The following GRK4 variants were observed in gnomAD, a reference collection of about 807,000 sequenced individuals.
GRK4 encodes G protein-coupled receptor kinase 4.
A neutral mutation model predicts 77.9 loss-of-function variants in GRK4; 73 were observed. That is an observed-to-expected ratio of 0.94 (90% CI 0.78 to 1.14). The LOEUF (loss-of-function observed/expected upper bound fraction) is 1.14, where lower values mean the gene tolerates loss of function less well. Among genes scored for constraint, GRK4 ranks in the 50% most tolerant of loss-of-function variants. The pLI is 0.00. For synonymous variants in GRK4, 257 were observed against 254.4 expected, an observed-to-expected ratio of 1.01 and a Z score of -0.10; for missense variants, 729 against 700.2, an observed-to-expected ratio of 1.04 and a Z score of -0.46.
intron 1 of GRK4, chr4:2,966,310 G>A (rs1717670966): frequency 6.6e-6 from 1 of 152,324 alleles, no homozygotes; most frequent in South Asian, 2.1e-4. Context: ...TACATGGGAG[G>A]CTGAGGCAGG....
intron 4 of GRK4, among the ~76,000 whole-genome samples, chr4:3,003,249 G>A (rs1052926763): frequency 7.9e-5 from 12 of 152,152 alleles, no homozygotes; most frequent in African/African-American, 2.9e-4. Context: ...GAGGGCAGTG[G>A]CACAATCTCA....
intron 4 of GRK4, among the ~76,000 whole-genome samples, chr4:3,004,019 C>CT (rs1266339287): frequency 6.6e-6 from 1 of 152,194 alleles, no homozygotes; most frequent in Non-Finnish European, 1.5e-5. Flanking sequence ...GCATCTGGCC[C>CT]TGTGTGTGTT....
At chr4:3,021,410 G>A (rs751689922) in intron 9 of GRK4, among the ~76,000 whole-genome samples, 3 of 152,196 alleles carry the variant, frequency 2.0e-5, no homozygotes, top group African/African-American at 4.8e-5. Flanking sequence ...AGATGGTCAC[G>A]TCAGACGATG....
rs1742161428 is a variant in GRK4, at chr4:3,040,757, C to G, written c.*132C>G. 2.3e-6 allele frequency: 1 copy of G among 440,856 alleles called. No individual in the cohort carries two copies. The highest frequency in any genetic ancestry group is 3.6e-6 in the Non-Finnish European group (1 of 275,726). The allele number at this position is 440,856 out of a possible 1,614,324, so 27.3% of individuals were successfully genotyped here. ...TTGGGAGTGTACAGACCTTTCTGCA[C>G]TAATACCTGAGTTGTCTTTTCACTA... On this transcript the variant is annotated 3_prime_UTR_variant, in exon 16 of 16. Transcript: ENST00000398052.
At position 3,001,089 on chromosome 4, in the gene GRK4, A is replaced by ATATATATATATATATATATGTGTGTG; in HGVS notation, c.340-3141_340-3140insATATATATATATATATATGTGTGTGT. 9.7e-5 allele frequency among the ~76,000 whole-genome samples: 8 copies of ATATATATATATATATATATGTGTGTG among 82,432 alleles called. 1 individual carries two copies. The highest frequency in any genetic ancestry group is 4.6e-4 in the African/African-American group (8 of 17,214). 54.1% of individuals were successfully genotyped at this position (82,432 alleles called of 152,430 possible). ...TAAATGAGACTATATATATATATAT[A>ATATATATATATATATATATGTGTGTG]TGTGTGTGTGTGTGTGTATATATAT... On this transcript the variant is annotated intron_variant, in intron 4 of 15. Transcript: ENST00000398052.
chr4:3,007,822 T>A lies in GRK4; in HGVS notation c.530T>A (p.Leu177Gln), dbSNP rs757379015. Residue 177 changes from leucine (L) to glutamine (Q), a missense_variant, in exon 6 of 16, where the codon CTG (leucine) becomes CAG (glutamine). Coordinates refer to ENST00000398052, the MANE Select transcript of GRK4 (RefSeq NM_182982.3). ...TCTCAGTTTTTACAATGGAAATGGC[T>A]GGAAAGGTATGTACTGATTTTAAAC... ...YFSQFLQWKW[L>Q]ERQPVTKNTF... is the part of the protein sequence containing the mutation. 6.2e-7 allele frequency: 1 copy of A among 1,606,766 alleles called. No homozygotes were observed. Among genetic ancestry groups the A allele is most frequent in the South Asian group, 1.1e-5 (1 of 90,292 alleles).
At chr4:3,008,190 A>G (rs1731874260) in intron 6 of GRK4, among the ~76,000 whole-genome samples, 1 of 152,210 alleles carries the variant, frequency 6.6e-6, no homozygotes, top group Non-Finnish European at 1.5e-5. Flanking sequence ...ATTTCTTCTA[A>G]TTTAATAGAC....
chr4:2,997,268 C>T (rs1469571373), intron 4 of GRK4, among the ~76,000 whole-genome samples: 2 of 152,082 alleles, frequency 1.3e-5, no homozygotes, highest in Non-Finnish European at 2.9e-5. Context: ...AAAATTGGTT[C>T]AGTATCTGAA....
Position 3,013,707 on chromosome 4 carries a change from G to A in GRK4, c.620G>A (p.Arg207Gln), listed in dbSNP as rs763102146. ...GFGEVCACQV[R>Q]ATGKMYACKK... The stretch of plus-strand genomic sequence containing the variant: ...AACTAGGTTTGCGCCTGTCAAGTGC[G>A]AGCCACAGGAAAAATGTATGCCTGC... Residue 207 changes from arginine (R) to glutamine (Q), a missense_variant, in exon 8 of 16, where the codon CGA becomes CAA. Physicochemically the swap from Arg to Gln is conservative, Grantham distance 43. Transcript: ENST00000398052. The A allele has an allele frequency of 1.1e-5, 17 of 1,611,492 alleles. No homozygotes were observed. The East Asian group carries it at 2.2e-4, about 21-fold the overall frequency.
intron 1 of GRK4, chr4:2,965,170 A>T (rs1207438427): frequency 2.8e-5 from 18 of 641,936 alleles, no homozygotes; most frequent in South Asian, 2.8e-4. Context: ...AGCTTTTTGG[A>T]TGTGAATCCA....
intron 10 of GRK4, among the ~76,000 whole-genome samples, chr4:3,023,645 G>C (rs1736670362): frequency 6.6e-6 from 1 of 152,200 alleles, no homozygotes; most frequent in African/African-American, 2.4e-5. Context: ...TGTGTCCGTA[G>C]CTCCTGACTT....
chr4:3,028,816 G>C (rs555218895), intron 11 of GRK4, among the ~76,000 whole-genome samples: 3 of 150,680 alleles, frequency 2.0e-5, no homozygotes, highest in Non-Finnish European at 4.4e-5. Context: ...CAGTCGCCCA[G>C]GCTAGAATGC....
intron 1 of GRK4, among the ~76,000 whole-genome samples, chr4:2,980,538 A>G (rs1722581026): frequency 6.6e-6 from 1 of 151,576 alleles, no homozygotes; most frequent in Non-Finnish European, 1.5e-5. Flanking sequence ...CAAATACCCC[A>G]GAACAGCACC....
At position 3,013,706 on chromosome 4, in the gene GRK4, C is replaced by A; in HGVS notation, c.619C>A (p.Arg207=). The A allele has an allele frequency of 6.2e-7, 1 of 1,609,560 alleles. No homozygotes were observed. The part of the protein sequence containing the change: ...GFGEVCACQV[R]ATGKMYACKK... The stretch of plus-strand genomic sequence containing the variant: ...AAACTAGGTTTGCGCCTGTCAAGTG[C>A]GAGCCACAGGAAAAATGTATGCCTG... The change falls in exon 8 of 16, where the codon CGA becomes AGA. Residue 207 remains arginine, a synonymous_variant. Transcript: ENST00000398052.
chr4:3,025,962 A>G (rs1274404870), intron 10 of GRK4, among the ~76,000 whole-genome samples: 3 of 152,232 alleles, frequency 2.0e-5, no homozygotes, highest in Non-Finnish European at 4.4e-5. Context: ...TGGCTCTGCA[A>G]CACTCATGGA....
At chr4:3,011,573 T>C (rs1349836768) in intron 7 of GRK4, among the ~76,000 whole-genome samples, 1 of 152,186 alleles carries the variant, frequency 6.6e-6, no homozygotes, top group Non-Finnish European at 1.5e-5. Flanking sequence ...ACAGACTTGC[T>C]CTGGAGGTGT....
intron 5 of GRK4, among the ~76,000 whole-genome samples, chr4:3,004,641 A>G (rs976029955): frequency 2.0e-5 from 3 of 152,006 alleles, no homozygotes; most frequent in African/African-American, 7.3e-5. Context: ...ACAATAAAGT[A>G]TGCTAGAAAA....
At chr4:2,975,505 G>A (rs928972604) in intron 1 of GRK4, among the ~76,000 whole-genome samples, 3 of 152,128 alleles carry the variant, frequency 2.0e-5, no homozygotes, top group Admixed American at 6.6e-5. Context: ...ACACTGGCCC[G>A]TCAGCAAAAG....
chr4:2,973,770 C>G (rs1720293882), intron 1 of GRK4, among the ~76,000 whole-genome samples: 1 of 152,150 alleles, frequency 6.6e-6, no homozygotes, highest in Non-Finnish European at 1.5e-5. Flanking sequence ...AGCACAGCAG[C>G]CAGAGTGGTC....
Sources: allele counts gnomAD v4.1 joint callset (sites outside exome capture counted in the v4.1 genomes callset), GRCh38; gene constraint gnomAD v4.1.1; transcripts MANE v1.5; gene names NCBI Gene and HGNC (gene_info 2026-07-23, HGNC 2026-07-21).